MRTFA: variants seen among roughly 807,000 people sequenced by gnomAD.
MRTFA encodes myocardin related transcription factor A.
A neutral mutation model predicts 83.5 loss-of-function variants in MRTFA; 20 were observed. The ratio of observed to expected loss-of-function variants is 0.24; its 90% CI spans 0.17 to 0.35. MRTFA has a LOEUF of 0.35. Among genes scored for constraint, MRTFA ranks in the 10% least tolerant of loss-of-function variants. The pLI is 1.00. For synonymous variants in MRTFA, 659 were observed against 541.2 expected, an observed-to-expected ratio of 1.22 and a Z score of -3.02; for missense variants, 1,200 against 1,224.7, an observed-to-expected ratio of 0.98 and a Z score of 0.30.
chr22:40,414,066 C>T (rs1449656058), intron 14 of MRTFA, among the ~76,000 whole-genome samples: 2 of 152,126 alleles, frequency 1.3e-5, no homozygotes, highest in Non-Finnish European at 1.5e-5. Flanking sequence ...AGGCGGGGTG[C>T]GTTGGCTCAT....
chr22:40,457,465 A>AGAAAGAAAG (rs1792752296), intron 4 of MRTFA, among the ~76,000 whole-genome samples: 1 of 150,986 alleles, frequency 6.6e-6, no homozygotes, highest in Non-Finnish European at 1.5e-5. Context: ...AAAGAAAGAA[A>AGAAAGAAAG]GAAAGAAAGA....
At chr22:40,583,010 C>A (rs1342846761) in intron 2 of MRTFA, among the ~76,000 whole-genome samples, 1 of 152,104 alleles carries the variant, frequency 6.6e-6, no homozygotes, top group African/African-American at 2.4e-5. Flanking sequence ...ACATCCATGT[C>A]TTTTGCCAAA....
intron 2 of MRTFA, among the ~76,000 whole-genome samples, chr22:40,586,266 C>CAA (rs777228122): frequency 3.0e-5 from 3 of 98,566 alleles, no homozygotes; most frequent in Non-Finnish European, 2.2e-5. Context: ...ATTTGCTCTT[C>CAA]AAAAAAAAAA....
intron 3 of MRTFA, among the ~76,000 whole-genome samples, chr22:40,494,612 C>T (rs150126782): frequency 2.0e-5 from 3 of 151,150 alleles, no homozygotes; most frequent in African/African-American, 4.9e-5. Context: ...GCCCAGGGGG[C>T]GAAGGCTGCA....
At chr22:40,424,158 A>G in intron 8 of MRTFA, 48 bp downstream of exon 8, 1 of 1,520,782 alleles carries the variant, frequency 6.6e-7, no homozygotes, top group South Asian at 1.3e-5. Flanking sequence ...TACTCTGCGC[A>G]GCCCTAGCAC....
chr22:40,494,555 C>A (rs2054319357), intron 3 of MRTFA, among the ~76,000 whole-genome samples: 1 of 152,004 alleles, frequency 6.6e-6, no homozygotes, highest in South Asian at 2.1e-4. Context: ...CTGGTGTGCA[C>A]CTGTAATCCC....
At chr22:40,542,700 G>A (rs992887932) in intron 3 of MRTFA, among the ~76,000 whole-genome samples, 1 of 152,132 alleles carries the variant, frequency 6.6e-6, no homozygotes, top group Non-Finnish European at 1.5e-5. Flanking sequence ...TGATTCAATT[G>A]TCCAACTAAG....
chr22:40,548,188 G>A (rs903716245), intron 3 of MRTFA, among the ~76,000 whole-genome samples: 3 of 151,170 alleles, frequency 2.0e-5, no homozygotes, highest in Non-Finnish European at 4.4e-5. Flanking sequence ...GTGAAATCCC[G>A]TCTCTACTAA....
At chr22:40,555,659 C>T (rs868102039) in intron 2 of MRTFA, among the ~76,000 whole-genome samples, 9 of 148,452 alleles carry the variant, frequency 6.1e-5, no homozygotes, top group East Asian at 2.0e-4. Context: ...TTTTTTGAGG[C>T]AGAGTCTCGC....
chr22:40,417,709 T>C (rs995938444), intron 12 of MRTFA: 1 of 554,248 alleles, frequency 1.8e-6, no homozygotes, highest in Non-Finnish European at 3.2e-6. Context: ...CCTGGCCCCT[T>C]GAGGTTTGGG....
rs199636804 is a variant in MRTFA at position 40,419,203 on chromosome 22, G to T, written c.1535C>A (p.Ala512Glu). Residue 512 changes from alanine to glutamate, a missense_variant, in exon 12 of 15, where the codon GCG becomes GAG. By Grantham distance (107) the Ala-to-Glu change is moderately radical. Coordinates refer to ENST00000355630, the MANE Select transcript of MRTFA (RefSeq NM_020831.6). ...GGCTGGCCCCGTGCTCAGCCGGGCC[G>T]CTGGGAAGGCTACCACCACCTCGCC... 1.3e-6 allele frequency: 2 copies of T among 1,595,202 alleles called. No homozygotes were observed. Among genetic ancestry groups the T allele is most frequent in the Non-Finnish European group, 1.7e-6 (2 of 1,170,978 alleles).
At chr22:40,630,283 T>C (rs1339367664) in intron 1 of MRTFA, among the ~76,000 whole-genome samples, 1 of 152,030 alleles carries the variant, frequency 6.6e-6, no homozygotes, top group Non-Finnish European at 1.5e-5. Flanking sequence ...ACCACTGTGC[T>C]CTACCCTAGG....
intron 3 of MRTFA, among the ~76,000 whole-genome samples, chr22:40,532,883 T>A (rs1259645557): frequency 6.6e-6 from 1 of 152,142 alleles, no homozygotes; most frequent in Non-Finnish European, 1.5e-5. Flanking sequence ...TTAGTAGAGA[T>A]CTAAAAATAG....
In MRTFA at chr22:40,410,763, C is replaced by A; in HGVS notation, c.*627G>T. 8.6e-6 allele frequency: 2 copies of A among 233,022 alleles called. No homozygotes were observed. The highest frequency in any genetic ancestry group is 1.7e-5 in the Non-Finnish European group (2 of 118,008). 14.4% of individuals were successfully genotyped at this position (233,022 alleles called of 1,614,324 possible). On this transcript the variant is annotated 3_prime_UTR_variant, in exon 15 of 15. Transcript: ENST00000355630. ...GAGAGTAGGATGGGAGGGAGTTGCA[C>A]CCATCTCCTGTCCGCCCCCCCCCAA...
chr22:40,511,896 T>C (rs1232120160), intron 3 of MRTFA, among the ~76,000 whole-genome samples: 3 of 152,218 alleles, frequency 2.0e-5, no homozygotes, highest in African/African-American at 7.2e-5. Context: ...TTCTGAACTG[T>C]GTTATCCAGC....
At chr22:40,552,066 G>C (rs950413859) in intron 3 of MRTFA, 40 bp downstream of exon 3, 3 of 397,606 alleles carry the variant, frequency 7.5e-6, no homozygotes, top group Admixed American at 4.4e-5. Flanking sequence ...TGAAGATCCT[G>C]GTTCAAATCA....
At chr22:40,427,986 G>A (rs930497651) in intron 7 of MRTFA, among the ~76,000 whole-genome samples, 2 of 152,144 alleles carry the variant, frequency 1.3e-5, no homozygotes, top group Non-Finnish European at 2.9e-5. Flanking sequence ...GAGAGGGCAG[G>A]GAAGTTCCAA....
chr22:40,442,348 C>T (rs1226510533), intron 4 of MRTFA, among the ~76,000 whole-genome samples: 2 of 152,236 alleles, frequency 1.3e-5, no homozygotes, highest in Admixed American at 1.3e-4. Context: ...ATAGAGGTCA[C>T]TGGAGTGCCA....
Position 40,489,019 on chromosome 22 carries a change from G to T in MRTFA, c.242-25733C>A, listed in dbSNP as rs190403080. Reference sequence around the variant, plus strand: ...TTGTATAAAATCATAAAACACCAACGTTTCATGATGGCTCAGTCCTGAAAA... The same window carrying T: ...TTGTATAAAATCATAAAACACCAACTTTTCATGATGGCTCAGTCCTGAAAA... On this transcript the variant is annotated intron_variant, in intron 3 of 14. Coordinates refer to ENST00000355630, the MANE Select transcript of MRTFA (RefSeq NM_020831.6). Among the ~76,000 whole-genome samples, 160 of 151,906 alleles carry T rather than the reference G, an allele frequency of 1.1e-3. 4 individuals are homozygous for T. In the East Asian group the frequency reaches 0.029, roughly 28 times the overall value.
Sources: allele counts gnomAD v4.1 joint callset (sites outside exome capture counted in the v4.1 genomes callset), GRCh38; gene constraint gnomAD v4.1.1; transcripts MANE v1.5; gene names NCBI Gene and HGNC (gene_info 2026-07-23, HGNC 2026-07-21).